The following GABRG3 variants were observed in gnomAD, a reference collection of about 807,000 sequenced individuals.
GABRG3 encodes gamma-aminobutyric acid receptor subunit gamma-3.
A neutral mutation model predicts 48.8 loss-of-function variants in GABRG3; 25 were observed. The ratio of observed to expected loss-of-function variants is 0.51; its 90% CI spans 0.37 to 0.72. The LOEUF (loss-of-function observed/expected upper bound fraction) is 0.72, where lower values mean the gene tolerates loss of function less well. Among genes scored for constraint, GABRG3 ranks in the 30% least tolerant of loss-of-function variants. GABRG3 has a pLI of 0.00. For synonymous variants in GABRG3, 227 were observed against 217.6 expected (o/e 1.04, Z -0.38); for missense variants, 394 against 577.9 (o/e 0.68, Z 3.26).
At chr15:27,477,666 A>T (rs988916978) in intron 5 of GABRG3, among the ~76,000 whole-genome samples, 1 of 152,164 alleles carries the variant, frequency 6.6e-6, no homozygotes, top group African/African-American at 2.4e-5. Flanking sequence ...TGTGTGGGGC[A>T]GGGGGTATAC....
chr15:27,525,279 C>T (rs115662801), intron 7 of GABRG3, among the ~76,000 whole-genome samples: 88 of 152,158 alleles, frequency 5.8e-4, no homozygotes, highest in Non-Finnish European at 1.0e-3. Context: ...TTTATATTCA[C>T]TCATCCCTCC....
At chr15:27,049,779 G>A (rs761239649) in intron 3 of GABRG3, among the ~76,000 whole-genome samples, 8 of 152,328 alleles carry the variant, frequency 5.3e-5, no homozygotes, top group South Asian at 2.1e-4. Flanking sequence ...ATGCGTGCAC[G>A]CTGCTAGACC....
intron 3 of GABRG3, among the ~76,000 whole-genome samples, chr15:27,177,985 G>A (rs1230951259): frequency 2.6e-5 from 4 of 152,120 alleles, no homozygotes; most frequent in Non-Finnish European, 4.4e-5. Flanking sequence ...GACTCTTGCC[G>A]GAAGCAGACC....
intron 3 of GABRG3, among the ~76,000 whole-genome samples, chr15:27,087,658 G>C (rs984782427): frequency 6.6e-6 from 1 of 152,178 alleles, no homozygotes; most frequent in East Asian, 1.9e-4. Context: ...GCATGCATCT[G>C]TGTGTGCATA....
chr15:27,212,395 T>A (rs1889106162), intron 3 of GABRG3, among the ~76,000 whole-genome samples: 1 of 152,232 alleles, frequency 6.6e-6, no homozygotes, highest in African/African-American at 2.4e-5. Context: ...AGTTGAAGTC[T>A]TGGCTTTGTT....
intron 5 of GABRG3, among the ~76,000 whole-genome samples, chr15:27,464,047 C>T (rs1017887587): frequency 6.6e-4 from 100 of 152,154 alleles, no homozygotes; most frequent in African/African-American, 2.3e-3. Flanking sequence ...ACCAGCACTC[C>T]GCATTTTCAT....
intron 3 of GABRG3, among the ~76,000 whole-genome samples, chr15:27,066,209 A>C (rs1337538652): frequency 3.9e-5 from 6 of 152,348 alleles, no homozygotes; most frequent in Admixed American, 3.9e-4. Flanking sequence ...AGTACTTACT[A>C]TGATATAGTT....
rs111520288 is a variant in GABRG3, at chr15:27,219,383, T to C, written c.271-107426T>C. Among the ~76,000 whole-genome samples the C allele has an allele frequency of 5.3e-5, 8 of 152,230 alleles. 1 individual carries two copies. The highest frequency in any genetic ancestry group is 1.9e-4 in the East Asian group (1 of 5,168). ...CTCCCTTACTCTGAGTCAGATAAGG[T>C]CTGGGCAAGATAACCTCCATTCCCT... On this transcript the variant is annotated intron_variant, in intron 3 of 9. Coordinates refer to ENST00000615808, the MANE Select transcript of GABRG3 (RefSeq NM_033223.5).
In GABRG3 at chr15:27,411,505, C is replaced by T. The variant is rs188123123; in HGVS notation, c.575-69145C>T. Among the ~76,000 whole-genome samples the T allele has an allele frequency of 4.6e-5, 7 of 152,288 alleles. No homozygotes were observed. The East Asian group carries it at 1.4e-3, about 29-fold the overall frequency. ...GCTTCCTTGCATTACTGAGATCCAG[C>T]CATTCTTCCTGCATGAACTCTGCTT... On this transcript the variant is annotated intron_variant, in intron 5 of 9. Transcript: ENST00000615808.
chr15:27,490,056 G>C (rs1002138186), intron 6 of GABRG3, among the ~76,000 whole-genome samples: 1 of 152,144 alleles, frequency 6.6e-6, no homozygotes, highest in Non-Finnish European at 1.5e-5. Flanking sequence ...GTTAAAGGTT[G>C]TAAGGAAGGG....
intron 3 of GABRG3, among the ~76,000 whole-genome samples, chr15:27,184,811 A>G (rs1303267415): frequency 6.6e-6 from 1 of 152,108 alleles, no homozygotes; most frequent in Admixed American, 6.6e-5. Context: ...TTAACTGGCA[A>G]ATTTCTGAGT....
At chr15:27,470,158 T>G (rs1889740968) in intron 5 of GABRG3, among the ~76,000 whole-genome samples, 1 of 152,228 alleles carries the variant, frequency 6.6e-6, no homozygotes, top group African/African-American at 2.4e-5. Context: ...CAGTGTGATT[T>G]GTTGGTGCCC....
chr15:27,271,715 A>G (rs940920786), intron 3 of GABRG3: 1 of 435,900 alleles, frequency 2.3e-6, no homozygotes, highest in Non-Finnish European at 4.6e-6. Context: ...CGCCAGAGGG[A>G]CCTCCTGCAC....
chr15:27,175,741 T>A (rs1425296200), intron 3 of GABRG3, among the ~76,000 whole-genome samples: 4 of 152,356 alleles, frequency 2.6e-5, no homozygotes, highest in Admixed American at 1.3e-4. Context: ...GGAGAGCAGA[T>A]GCCTGCATTC....
At chr15:27,308,245 T>C (rs965352565) in intron 3 of GABRG3, among the ~76,000 whole-genome samples, 1 of 140,588 alleles carries the variant, frequency 7.1e-6, no homozygotes, top group Non-Finnish European at 1.5e-5. Context: ...TCCAAACATA[T>C]ATAAACATAC....
intron 6 of GABRG3, among the ~76,000 whole-genome samples, chr15:27,484,137 T>C (rs1890164763): frequency 6.6e-6 from 1 of 152,162 alleles, no homozygotes; most frequent in Non-Finnish European, 1.5e-5. Flanking sequence ...AGTTTCGCCA[T>C]GTTGGCCAGG....
intron 6 of GABRG3, among the ~76,000 whole-genome samples, chr15:27,507,807 T>C (rs1890797581): frequency 6.6e-6 from 1 of 152,238 alleles, no homozygotes; most frequent in East Asian, 1.9e-4. Flanking sequence ...TTCTTTCAGA[T>C]CTGTCAGTTT....
At chr15:27,198,699 A>G (rs527715598) in intron 3 of GABRG3, among the ~76,000 whole-genome samples, 2 of 152,360 alleles carry the variant, frequency 1.3e-5, no homozygotes, top group African/African-American at 2.4e-5. Context: ...ATGCACATGT[A>G]TGTTTATTGC....
intron 3 of GABRG3, among the ~76,000 whole-genome samples, chr15:27,276,616 A>G (rs895871183): frequency 7.2e-5 from 11 of 152,184 alleles, no homozygotes; most frequent in Admixed American, 6.5e-5. Context: ...AGAGTTGGGA[A>G]TGGGAATGAT....
Sources: allele counts gnomAD v4.1 joint callset (sites outside exome capture counted in the v4.1 genomes callset), GRCh38; gene constraint gnomAD v4.1.1; transcripts MANE v1.5; gene names NCBI Gene and HGNC (gene_info 2026-07-23, HGNC 2026-07-21).